Variants in WDR43 observed in about 807,000 individuals in gnomAD.
The protein encoded by WDR43 is WD repeat domain 43.
Under a neutral mutation model 91.4 loss-of-function variants are expected in WDR43, and 13 were observed. The ratio of observed to expected loss-of-function variants is 0.14; its 90% CI spans 0.09 to 0.23. WDR43 has a LOEUF of 0.23. WDR43 is among the 10% of genes least tolerant of loss of function. The probability of loss-of-function intolerance (pLI) is 1.00; values close to 1 mark genes in which losing one functional copy is unlikely to be tolerated. For missense variants in WDR43, 780 were observed against 809.4 expected (o/e 0.96, Z 0.44); for synonymous variants, 331 against 287.9 (o/e 1.15, Z -1.51).
At chr2:28,937,850 G>A in intron 13 of WDR43, 81 bp from the exon 14 acceptor site, 1 of 1,339,846 alleles carries the variant, frequency 7.5e-7, no homozygotes, top group Non-Finnish European at 1.1e-6. Flanking sequence ...ACCTTCACTT[G>A]TCTGTCTGGG....
At chr2:28,939,886 T>A (rs1014228970) in intron 14 of WDR43, among the ~76,000 whole-genome samples, 1 of 151,944 alleles carries the variant, frequency 6.6e-6, no homozygotes, top group Non-Finnish European at 1.5e-5. Context: ...GGCGGGTGGA[T>A]CATGAGTTCA....
intron 2 of WDR43, among the ~76,000 whole-genome samples, chr2:28,902,942 T>C (rs1170305407): frequency 6.6e-6 from 1 of 152,210 alleles, no homozygotes; most frequent in Non-Finnish European, 1.5e-5. Flanking sequence ...GTTTTTTGTT[T>C]TAAATAACAT....
intron 6 of WDR43, among the ~76,000 whole-genome samples, chr2:28,918,914 A>C (rs566525552): frequency 6.6e-6 from 1 of 152,344 alleles, no homozygotes; most frequent in East Asian, 1.9e-4. Flanking sequence ...ATTTTGCATT[A>C]ACCTCTAGGA....
At chr2:28,920,678 T>C (rs545081334) in intron 6 of WDR43, among the ~76,000 whole-genome samples, 17 of 152,096 alleles carry the variant, frequency 1.1e-4, no homozygotes, top group African/African-American at 3.9e-4. Context: ...AGGGATTTTT[T>C]TTGTTTGTTT....
chr2:28,940,083 G>A (rs973225955), intron 14 of WDR43, among the ~76,000 whole-genome samples: 2 of 134,382 alleles, frequency 1.5e-5, no homozygotes, highest in Non-Finnish European at 3.1e-5. Context: ...CTGCACTCCA[G>A]CCTGGGCGAC....
At chr2:28,914,329 G>C (rs891998094) in intron 5 of WDR43, 121 bp downstream of exon 5, 12 of 1,249,458 alleles carry the variant, frequency 9.6e-6, no homozygotes, top group African/African-American at 3.1e-5. Flanking sequence ...TTTACATTGA[G>C]TCATAATAAA....
chr2:28,938,716 G>A (rs1379890826), intron 14 of WDR43, among the ~76,000 whole-genome samples: 1 of 152,140 alleles, frequency 6.6e-6, no homozygotes, highest in Admixed American at 6.5e-5. Flanking sequence ...CTTGTTCTCT[G>A]TCACTGACTC....
chr2:28,939,961 G>A (rs1671402797), intron 14 of WDR43, among the ~76,000 whole-genome samples: 1 of 151,868 alleles, frequency 6.6e-6, no homozygotes, highest in South Asian at 2.1e-4. Flanking sequence ...CAAAAAATTA[G>A]CCGAGCGTGA....
In WDR43 at chr2:28,936,911, C is replaced by G; in HGVS notation, c.1525-11C>G. ...AAGTGCTGTTGTTAATAGTGTTTTTCTCTCCCTTAGCTTACAAAGAGGTTA... is the reference window on the plus strand; with the variant it reads ...AAGTGCTGTTGTTAATAGTGTTTTTGTCTCCCTTAGCTTACAAAGAGGTTA... On this transcript the variant is annotated splice_polypyrimidine_tract_variant and intron_variant, in intron 12 of 17. Coordinates refer to ENST00000407426, the MANE Select transcript of WDR43 (RefSeq NM_015131.3). 1 of 1,567,872 alleles carries G rather than the reference C, an allele frequency of 6.4e-7. No individual in the cohort carries two copies. Among genetic ancestry groups the G allele is most frequent in the Non-Finnish European group, 8.7e-7 (1 of 1,154,706 alleles).
At chr2:28,895,670 A>G (rs1670466311) in intron 1 of WDR43, 1 of 152,222 alleles carries the variant, frequency 6.6e-6, no homozygotes, top group African/African-American at 2.4e-5. Flanking sequence ...TGCAGATGAA[A>G]TTACCCTTAG....
At chr2:28,923,733 A>C (rs1402895441) in intron 7 of WDR43, among the ~76,000 whole-genome samples, 2 of 152,140 alleles carry the variant, frequency 1.3e-5, no homozygotes, top group Admixed American at 6.5e-5. Flanking sequence ...CCTATAGGTA[A>C]CTGTTAACAT....
At chr2:28,910,676 T>C (rs1353708370) in intron 3 of WDR43, among the ~76,000 whole-genome samples, 2 of 91,512 alleles carry the variant, frequency 2.2e-5, no homozygotes, top group Non-Finnish European at 2.5e-5. Context: ...TGTGTGTGTG[T>C]AAATATATAT....
At chr2:28,911,638 C>CTT (rs35435629) in intron 3 of WDR43, among the ~76,000 whole-genome samples, 7 of 145,180 alleles carry the variant, frequency 4.8e-5, no homozygotes, top group Non-Finnish European at 6.1e-5. Context: ...TGTTACTTGC[C>CTT]TTTTTTTTTT....
At chr2:28,904,210 T>A (rs1411536679) in intron 2 of WDR43, among the ~76,000 whole-genome samples, 1 of 152,164 alleles carries the variant, frequency 6.6e-6, no homozygotes, top group Non-Finnish European at 1.5e-5. Flanking sequence ...TGAGGGGTAC[T>A]GGGATGGTAT....
chr2:28,946,234 C>T (rs1221897122), intron 16 of WDR43, among the ~76,000 whole-genome samples: 1 of 151,834 alleles, frequency 6.6e-6, no homozygotes, highest in African/African-American at 2.4e-5. Context: ...AGGCTTGAAC[C>T]TGGGAGGCAG....
intron 15 of WDR43, 148 bp from the exon 16 acceptor site, chr2:28,942,164 T>C (rs1558385071): frequency 1.6e-6 from 1 of 638,428 alleles, no homozygotes; most frequent in South Asian, 2.2e-5. Flanking sequence ...TGAAGGACTT[T>C]TTTGCTCTGT....
chr2:28,926,661 C>A, intron 9 of WDR43, 107 bp downstream of exon 9: 1 of 927,026 alleles, frequency 1.1e-6, no homozygotes, highest in South Asian at 2.2e-5. Context: ...TCTTTAATAT[C>A]TTTATTCTCT....
rs1670857026 is a variant in WDR43 at position 28,913,951 on chromosome 2, C to A, written c.607-118C>A. 7 of 1,161,598 alleles carry A rather than the reference C, an allele frequency of 6.0e-6. No homozygotes were observed. In the East Asian group the frequency reaches 1.7e-4, roughly 28 times the overall value. The allele number at this position is 1,161,598 out of a possible 1,614,324, so 72.0% of individuals were successfully genotyped here. A position where few individuals can be genotyped will look rare whatever the true frequency, so the allele number is the denominator to read the frequency against. ...TTAGAATTGAATTGAACAGTTACTT[C>A]ATCGTGGAGCTCTCCTTTCCGATAT... On this transcript the variant is annotated intron_variant, in intron 4 of 17. Transcript: ENST00000407426.
chr2:28,902,164 G>A lies in WDR43; in HGVS notation c.363+40G>A, dbSNP rs906872793. The stretch of plus-strand genomic sequence containing the variant: ...ATTTTATTTAAAAGTGATGTGACAG[G>A]GAAGCTGATTATTAGAGATTATTAA... On this transcript the variant is annotated intron_variant, in intron 2 of 17. Transcript: ENST00000407426. The A allele has an allele frequency of 4.6e-6, 7 of 1,519,322 alleles. No homozygotes were observed. In the African/African-American group the frequency reaches 7.0e-5, roughly 15 times the overall value. The allele number at this position is 1,519,322 out of a possible 1,614,324, so 94.1% of individuals were successfully genotyped here. A position where few individuals can be genotyped will look rare whatever the true frequency, so the allele number is the denominator to read the frequency against.
Sources: allele counts gnomAD v4.1 joint callset (sites outside exome capture counted in the v4.1 genomes callset), GRCh38; gene constraint gnomAD v4.1.1; transcripts MANE v1.5; gene names NCBI Gene and HGNC (gene_info 2026-07-23, HGNC 2026-07-21).